Variants in PTK2 observed in about 807,000 individuals in gnomAD.
PTK2 encodes focal adhesion kinase 1.
A neutral mutation model predicts 150.1 loss-of-function variants in PTK2; 45 were observed. The ratio of observed to expected loss-of-function variants is 0.30; its 90% CI spans 0.24 to 0.38. The LOEUF is 0.38. Ranked by LOEUF, PTK2 falls within the 10% of genes least tolerant of loss-of-function variation. The pLI, the probability that PTK2 is intolerant of heterozygous loss-of-function variation, is 1.00. For missense variants in PTK2, 919 were observed against 1,307.3 expected (o/e 0.70, Z 4.58); for synonymous variants, 432 against 449.2 (o/e 0.96, Z 0.48).
At position 140,977,160 on chromosome 8, in the gene PTK2, C is replaced by T. The variant is rs192593677; in HGVS notation, c.-122+23965G>A. Among the ~76,000 whole-genome samples, 47 of 151,808 alleles carry T rather than the reference C, an allele frequency of 3.1e-4. No homozygotes were observed. In the East Asian group the frequency reaches 6.6e-3, roughly 21 times the overall value. ...AATCCAGCACTTTGGGAGGCCAAGG[C>T]GGGAAGACTGCTTAAGCCCAGGAGC... is the stretch of plus-strand genomic sequence containing the variant. On this transcript the variant is annotated intron_variant, in intron 1 of 31. Coordinates refer to ENST00000522684, the Ensembl canonical transcript of PTK2.
intron 14 of PTK2, among the ~76,000 whole-genome samples, chr8:140,785,519 T>C (rs1194678414): frequency 6.6e-6 from 1 of 152,148 alleles, no homozygotes; most frequent in South Asian, 2.1e-4. Context: ...TCAGGAAAGC[T>C]TTCTATGAGG....
chr8:140,878,953 G>T (rs1462966829), intron 4 of PTK2, among the ~76,000 whole-genome samples: 3 of 151,896 alleles, frequency 2.0e-5, no homozygotes, highest in Non-Finnish European at 4.4e-5. Context: ...TTCAACAGGA[G>T]TCATTAAGAG....
intron 10 of PTK2, among the ~76,000 whole-genome samples, chr8:140,812,973 C>T (rs1420782715): frequency 6.6e-6 from 1 of 152,144 alleles, no homozygotes; most frequent in Non-Finnish European, 1.5e-5. Flanking sequence ...ACGTAGATCA[C>T]TGAGATGGAA....
At chr8:140,774,609 C>T (rs1056881264) in intron 14 of PTK2, among the ~76,000 whole-genome samples, 3 of 152,120 alleles carry the variant, frequency 2.0e-5, no homozygotes, top group African/African-American at 4.8e-5. Context: ...TACTGGGCTG[C>T]GTTCCCAAGA....
At chr8:140,927,973 A>AT (rs1257108435) in intron 1 of PTK2, among the ~76,000 whole-genome samples, 603 of 72,788 alleles carry the variant, frequency 8.3e-3, no homozygotes, top group African/African-American at 0.031. Flanking sequence ...AAAAAAAAAA[A>AT]AAATATATAT....
chr8:140,800,431 T>G lies in PTK2; in HGVS notation c.1093+28A>C, dbSNP rs368845333. 9.6e-6 allele frequency: 15 copies of G among 1,558,292 alleles called. No homozygotes were observed. The East Asian group carries it at 2.9e-4, about 30-fold the overall frequency. ...AGCTAAATATTTGGTAGAAGCGCAA[T>G]TGGGAATGCTCAGAAACAGCACCTC... On this transcript the variant is annotated intron_variant, in intron 12 of 31. Coordinates refer to ENST00000522684, the Ensembl canonical transcript of PTK2.
intron 2 of PTK2, among the ~76,000 whole-genome samples, chr8:140,906,856 G>C (rs2100161098): frequency 6.6e-6 from 1 of 152,268 alleles, no homozygotes; most frequent in South Asian, 2.1e-4. Flanking sequence ...TAATTACCCT[G>C]ATTTGATCAT....
intron 27 of PTK2, among the ~76,000 whole-genome samples, chr8:140,682,124 T>C (rs1415562667): frequency 3.9e-5 from 6 of 152,190 alleles, no homozygotes; most frequent in Non-Finnish European, 2.9e-5. Context: ...AACCATGTAG[T>C]AAGAGCATAA....
intron 1 of PTK2, among the ~76,000 whole-genome samples, chr8:140,989,212 T>TTAAAA (rs1249939122): frequency 3.3e-5 from 2 of 60,582 alleles, no homozygotes; most frequent in African/African-American, 1.3e-4. Context: ...ACCCTGTCTC[T>TTAAAA]AAAAAAAAAA....
chr8:140,701,474 C>T (rs2100030421), intron 25 of PTK2, among the ~76,000 whole-genome samples: 1 of 151,954 alleles, frequency 6.6e-6, no homozygotes. Context: ...GCTATGTTGC[C>T]CAGGCTGGCC....
intron 25 of PTK2, among the ~76,000 whole-genome samples, 165 bp downstream of exon 28, chr8:140,702,405 G>A (rs2100031144): frequency 6.6e-6 from 1 of 150,828 alleles, no homozygotes; most frequent in African/African-American, 2.4e-5. Context: ...TTTTTGTAGA[G>A]ACAGGGTCTC....
chr8:140,774,072 C>A (rs1204421377), intron 14 of PTK2, among the ~76,000 whole-genome samples: 1 of 152,222 alleles, frequency 6.6e-6, no homozygotes, highest in Non-Finnish European at 1.5e-5. Flanking sequence ...TAGCTTACTG[C>A]AATCCTACCT....
chr8:140,977,653 T>C (rs969388253), intron 1 of PTK2, among the ~76,000 whole-genome samples: 21 of 151,304 alleles, frequency 1.4e-4, no homozygotes, highest in Non-Finnish European at 2.5e-4. Context: ...GCTGTGATCG[T>C]CCAACTGGAC....
chr8:140,986,783 A>C (rs1157892523), intron 1 of PTK2, among the ~76,000 whole-genome samples: 1 of 152,220 alleles, frequency 6.6e-6, no homozygotes, highest in African/African-American at 2.4e-5. Flanking sequence ...GCTGACGCAA[A>C]AGTAAGTGTT....
intron 16 of PTK2, among the ~76,000 whole-genome samples, chr8:140,756,668 G>T: frequency 6.8e-6 from 1 of 146,698 alleles, no homozygotes; most frequent in Non-Finnish European, 1.5e-5. Flanking sequence ...TCCAGCATGG[G>T]CAACAAGAGG....
intron 1 of PTK2, among the ~76,000 whole-genome samples, chr8:140,992,118 C>G (rs896547160): frequency 1.3e-5 from 2 of 151,930 alleles, no homozygotes; most frequent in African/African-American, 4.8e-5. Flanking sequence ...ATGGTGAAAC[C>G]CCGTCTCTAC....
At chr8:140,665,635 G>C (rs1401539957) in intron 30 of PTK2, among the ~76,000 whole-genome samples, 1 of 152,076 alleles carries the variant, frequency 6.6e-6, no homozygotes, top group Non-Finnish European at 1.5e-5. Context: ...TCATACTTAT[G>C]AGGACCAAAT....
chr8:140,684,908 G>T (rs369645911), intron 27 of PTK2, among the ~76,000 whole-genome samples: 1 of 152,110 alleles, frequency 6.6e-6, no homozygotes, highest in African/African-American at 2.4e-5. Flanking sequence ...AAATTCATAT[G>T]GAACCAAAAA....
intron 3 of PTK2, among the ~76,000 whole-genome samples, chr8:140,885,563 C>G (rs1262387672): frequency 2.0e-5 from 3 of 152,104 alleles, no homozygotes; most frequent in Non-Finnish European, 4.4e-5. Context: ...AATGGTGAGG[C>G]ATAAGGGAGC....
Sources: gnomAD v4.1 joint callset for allele counts (sites outside exome capture counted in the v4.1 genomes callset) on GRCh38, gnomAD v4.1.1 for gene constraint, MANE v1.5 for transcripts, NCBI Gene and HGNC (gene_info 2026-07-23, HGNC 2026-07-21) for gene names.